Variants in MED15 observed in about 807,000 individuals in gnomAD.
The protein encoded by MED15 is mediator complex subunit 15.
In MED15, 41 loss-of-function variants were observed where a neutral mutation model predicts 118.7. That is an observed-to-expected ratio of 0.35 (90% CI 0.27 to 0.45). The LOEUF (loss-of-function observed/expected upper bound fraction) is 0.45. Among genes scored for constraint, MED15 ranks in the 20% least tolerant of loss-of-function variants. The probability of loss-of-function intolerance (pLI) is 1.00; values close to 1 mark genes in which losing one functional copy is unlikely to be tolerated. For synonymous variants in MED15, 436 were observed against 413.9 expected (o/e 1.05, Z -0.65); for missense variants, 740 against 1,025.5 (o/e 0.72, Z 3.80).
At chr22:20,564,062 C>T (rs551738762) in intron 5 of MED15, among the ~76,000 whole-genome samples, 13 of 152,270 alleles carry the variant, frequency 8.5e-5, no homozygotes, top group Non-Finnish European at 1.6e-4. Context: ...TGGGCGAACT[C>T]GTAAATATTA....
chr22:20,564,505 C>T lies in MED15; in HGVS notation c.507C>T (p.Phe169=), dbSNP rs1053202345. 2.5e-5 allele frequency: 40 copies of T among 1,600,180 alleles called. No individual in the cohort carries two copies. The highest frequency in any genetic ancestry group is 3.2e-5 in the Non-Finnish European group (38 of 1,169,378). ...AGCAGCAGCAGCAACAGCAGCAGTT[C>T]CAGCAGCAGCAGCAGGCGGCGCTAC... ...ALQQQQQQQQ[F]QQQQQAALQQ... The change falls in exon 6 of 18, where the codon TTC becomes TTT. Residue 169 remains phenylalanine, a synonymous_variant. Coordinates refer to ENST00000263205, the MANE Select transcript of MED15 (RefSeq NM_001003891.3).
intron 2 of MED15, among the ~76,000 whole-genome samples, chr22:20,541,643 C>T (rs999800118): frequency 1.5e-5 from 2 of 135,288 alleles, no homozygotes; most frequent in African/African-American, 5.6e-5. Flanking sequence ...ACCATCACAC[C>T]CAGCTAATTT....
At chr22:20,550,750 C>A (rs1009993615) in intron 2 of MED15, among the ~76,000 whole-genome samples, 1 of 152,396 alleles carries the variant, frequency 6.6e-6, no homozygotes, top group African/African-American at 2.4e-5. Flanking sequence ...GAGTGAGTGT[C>A]CTTGGGGCCA....
At chr22:20,577,009 GT>G (rs2056843177) in intron 9 of MED15, among the ~76,000 whole-genome samples, 1 of 152,206 alleles carries the variant, frequency 6.6e-6, no homozygotes. Flanking sequence ...TGTTTTCAGT[GT>G]GCGATATGTG....
Position 20,554,958 on chromosome 22 carries a change from C to A in MED15, c.261C>A (p.Ser87Arg). The A allele has an allele frequency of 6.2e-7, 1 of 1,608,408 alleles. No homozygotes were observed. The highest frequency in any genetic ancestry group is 8.5e-7 in the Non-Finnish European group (1 of 1,179,528). ...CAGATCCTATGAATGCACTCCAGAG[C>A]CTGACTGGCGGACCTGCTGCGGGAG... ...SVSDPMNALQ[S>R]LTGGPAAGAA... Residue 87 changes from serine (S) to arginine (R), a missense_variant, in exon 5 of 18, where the codon AGC (serine) becomes AGA (arginine). This residue lies in a region of MED15 where 117 missense variants were observed against 124.6 expected (regional missense o/e 0.94). Coordinates refer to ENST00000263205, the MANE Select transcript of MED15 (RefSeq NM_001003891.3).
At chr22:20,519,957 C>T (rs1311478299) in intron 1 of MED15, among the ~76,000 whole-genome samples, 5 of 152,078 alleles carry the variant, frequency 3.3e-5, no homozygotes, top group Non-Finnish European at 5.9e-5. Context: ...TTTAACTAGC[C>T]CTTCTCTTTG....
intron 17 of MED15, 90 bp from the exon 18 acceptor site, chr22:20,586,478 G>A: frequency 6.5e-7 from 1 of 1,550,168 alleles, no homozygotes. Flanking sequence ...GCCCGCGCCT[G>A]GGGCTACCCC....
At chr22:20,555,862 T>C (rs940714776) in intron 5 of MED15, among the ~76,000 whole-genome samples, 4 of 152,178 alleles carry the variant, frequency 2.6e-5, no homozygotes, top group African/African-American at 9.7e-5. Context: ...GCTGGGACTA[T>C]AGGCTCACAG....
intron 7 of MED15, among the ~76,000 whole-genome samples, chr22:20,568,267 A>G (rs1171827058): frequency 1.9e-3 from 1 of 522 alleles, no homozygotes; most frequent in African/African-American, 0.025. Context: ...GGAAGTCGTC[A>G]GTGCTTGTGA....
chr22:20,579,202 T>C (rs920153609), intron 9 of MED15, among the ~76,000 whole-genome samples: 2 of 152,194 alleles, frequency 1.3e-5, no homozygotes, highest in Non-Finnish European at 2.9e-5. Flanking sequence ...GGTTTCTTTC[T>C]CGCCTCTCTG....
At chr22:20,575,049 A>G in intron 8 of MED15, 64 bp from the exon 9 acceptor site, 7 of 1,603,766 alleles carry the variant, frequency 4.4e-6, no homozygotes, top group Non-Finnish European at 5.9e-6. Flanking sequence ...TGCCCTCTCC[A>G]CCTGCCCAGG....
chr22:20,585,666 G>A (rs1230355694), intron 16 of MED15, 62 bp from the exon 17 acceptor site: 1 of 1,483,396 alleles, frequency 6.7e-7, no homozygotes, highest in East Asian at 2.3e-5. Context: ...TCCAGAGCAG[G>A]GCTGTGAGGC....
At chr22:20,580,545 G>C (rs1235440860) in intron 9 of MED15, among the ~76,000 whole-genome samples, 2 of 152,116 alleles carry the variant, frequency 1.3e-5, no homozygotes, top group Non-Finnish European at 2.9e-5. Context: ...ACAGCTTTCT[G>C]GGGTGCAGGT....
At chr22:20,512,050 A>G (rs1196135408) in intron 1 of MED15, among the ~76,000 whole-genome samples, 3 of 138,030 alleles carry the variant, frequency 2.2e-5, no homozygotes, top group East Asian at 2.2e-4. Flanking sequence ...GTGCAGTGGT[A>G]CGATGATAGC....
rs147588124 is a variant in MED15, at chr22:20,523,769, T to C, written c.69-13348T>C. 9.6e-5 allele frequency: 95 copies of C among 985,386 alleles called. No homozygotes were observed. The African/African-American group carries it at 1.6e-3, about 17-fold the overall frequency. 61.0% of individuals were successfully genotyped at this position (985,386 alleles called of 1,614,324 possible). A position where few individuals can be genotyped will look rare whatever the true frequency, so the allele number is the denominator to read the frequency against. Reference sequence around the variant, plus strand: ...GTTCTTCAGAAGTCAAACCAACAGATTGGAGTATGTGAAGGAAGCTCGTGT... The same window carrying C: ...GTTCTTCAGAAGTCAAACCAACAGACTGGAGTATGTGAAGGAAGCTCGTGT... On this transcript the variant is annotated intron_variant, in intron 1 of 17. Transcript: ENST00000263205.
At chr22:20,528,429 C>T (rs748186830) in intron 1 of MED15, among the ~76,000 whole-genome samples, 7 of 152,064 alleles carry the variant, frequency 4.6e-5, no homozygotes, top group Non-Finnish European at 8.8e-5. Flanking sequence ...AAGGAGCATG[C>T]GACCTGGATC....
At chr22:20,529,269 A>G (rs1202437225) in intron 1 of MED15, among the ~76,000 whole-genome samples, 1 of 152,052 alleles carries the variant, frequency 6.6e-6, no homozygotes, top group Non-Finnish European at 1.5e-5. Flanking sequence ...TTATTTAGAG[A>G]CAGAGTCTCA....
intron 2 of MED15, among the ~76,000 whole-genome samples, chr22:20,545,058 A>T (rs1029155456): frequency 6.6e-6 from 1 of 152,176 alleles, no homozygotes; most frequent in African/African-American, 2.4e-5. Flanking sequence ...ATAAGGTAAC[A>T]TTTACAGGTT....
intron 3 of MED15, among the ~76,000 whole-genome samples, chr22:20,552,383 C>T (rs1203946300): frequency 6.6e-6 from 1 of 152,192 alleles, no homozygotes; most frequent in Non-Finnish European, 1.5e-5. Flanking sequence ...TTGCTTCTTT[C>T]CACACTAACT....
Sources: allele counts gnomAD v4.1 joint callset (sites outside exome capture counted in the v4.1 genomes callset), GRCh38; gene constraint gnomAD v4.1.1; regional missense constraint gnomAD v4.1.1; transcripts MANE v1.5; gene names NCBI Gene and HGNC (gene_info 2026-07-23, HGNC 2026-07-21).